SMPD4: variants seen among roughly 807,000 people sequenced by gnomAD.
SMPD4 encodes neutral sphingomyelinase 3.
In SMPD4, 58 loss-of-function variants were observed where a neutral mutation model predicts 97.8. The ratio of observed to expected loss-of-function variants is 0.59; its 90% CI spans 0.48 to 0.74. SMPD4 has a LOEUF of 0.74. SMPD4 is among the 30% of genes least tolerant of loss of function. The pLI is 0.00. For synonymous variants in SMPD4, 388 were observed against 450.0 expected, an observed-to-expected ratio of 0.86 and a Z score of 1.74; for missense variants, 853 against 1,080.5, an observed-to-expected ratio of 0.79 and a Z score of 2.95.
At chr2:130,165,437 CA>C (rs945475675) in intron 9 of SMPD4, among the ~76,000 whole-genome samples, 4 of 134,894 alleles carry the variant, frequency 3.0e-5, no homozygotes, top group Admixed American at 1.5e-4. Context: ...AAAAAAAAAA[CA>C]AAAAAAAAAC....
intron 8 of SMPD4, among the ~76,000 whole-genome samples, chr2:130,169,838 C>T (rs1183497429): frequency 6.6e-6 from 1 of 152,216 alleles, no homozygotes; most frequent in East Asian, 1.9e-4. Flanking sequence ...AGGCGTGAGC[C>T]ACTGTGCTCA....
chr2:130,158,121 G>C (rs1043738857), intron 11 of SMPD4: 7 of 1,110,240 alleles, frequency 6.3e-6, no homozygotes, highest in East Asian at 6.1e-5. Flanking sequence ...GCGTGGGTGA[G>C]AGTAAGACCT....
intron 11 of SMPD4, among the ~76,000 whole-genome samples, chr2:130,159,044 C>T (rs750923635): frequency 1.1e-4 from 17 of 152,052 alleles, no homozygotes; most frequent in Admixed American, 5.2e-4. Context: ...CTGTCACCCG[C>T]GCTGTAGTGT....
In SMPD4 at chr2:130,167,499, G is replaced by C; in HGVS notation, c.751C>G (p.Pro251Ala). The C allele has an allele frequency of 6.2e-7, 1 of 1,613,782 alleles. No homozygotes were observed. Reference protein sequence around the residue: ...ISHQTSVNADPASHEIWRSET... With the variant: ...ISHQTSVNADAASHEIWRSET... Reference sequence around the variant, plus strand: ...GACCTCCAGATCTCGTGGGAGGCGGGGTCTGCATTCACAGACGTCTGATGA... The same window carrying C: ...GACCTCCAGATCTCGTGGGAGGCGGCGTCTGCATTCACAGACGTCTGATGA... The change falls in exon 9 of 20, where the codon CCC becomes GCC. Residue 251 changes from proline to alanine, a missense_variant. Physicochemically the swap from Pro to Ala is conservative, Grantham distance 27. Transcript: ENST00000680298.
chr2:130,173,728 C>T (rs1688702609), intron 3 of SMPD4, 72 bp from the exon 4 acceptor site: 2 of 1,593,570 alleles, frequency 1.3e-6, no homozygotes, highest in African/African-American at 2.7e-5. Context: ...TCCTGCACCA[C>T]CTGCTGCCCA....
chr2:130,172,882 G>T lies in SMPD4; in HGVS notation c.359C>A (p.Ala120Glu). Reference sequence around the variant, plus strand: ...AGGGAGGATGCACTCCTGGATGGACGCCTTCACAGGACCCTGCAGAGAGAG... The same window carrying T: ...AGGGAGGATGCACTCCTGGATGGACTCCTTCACAGGACCCTGCAGAGAGAG... ...PVSYLPGPVK[A>E]SIQECILPDS... The change falls in exon 6 of 20, where the codon GCG becomes GAG. Residue 120 changes from alanine (A) to glutamate (E), a missense_variant. This residue lies in a region of SMPD4 where 313 missense variants were observed against 402.2 expected (regional missense o/e 0.78). Coordinates refer to ENST00000680298, the MANE Select transcript of SMPD4 (RefSeq NM_017951.5). 1.9e-6 allele frequency: 3 copies of T among 1,612,156 alleles called. No homozygotes were observed. The highest frequency in any genetic ancestry group is 8.5e-7 in the Non-Finnish European group (1 of 1,179,042).
intron 5 of SMPD4, 68 bp from the exon 6 acceptor site, chr2:130,172,963 C>T (rs1688621145): frequency 3.2e-6 from 5 of 1,545,230 alleles, no homozygotes; most frequent in South Asian, 2.4e-5. Context: ...CAGTACCCCA[C>T]ATGCACAGCA....
intron 2 of SMPD4, among the ~76,000 whole-genome samples, chr2:130,175,798 T>C (rs116129841): frequency 0.027 from 4,130 of 152,228 alleles, 152 homozygotes; most frequent in African/African-American, 0.087. Context: ...CAAACAAGGG[T>C]GGATTTCACA....
intron 3 of SMPD4, among the ~76,000 whole-genome samples, chr2:130,174,593 A>G (rs985280549): frequency 6.6e-6 from 1 of 152,218 alleles, no homozygotes; most frequent in African/African-American, 2.4e-5. Flanking sequence ...TGTGCTTTGC[A>G]GAATGTTTCC....
chr2:130,153,909 T>C lies in SMPD4; in HGVS notation c.1686A>G (p.Thr562=). ...TGGACTTGGCTGTGTGTTTGGCCTG[T>C]GTGATGAGCTGAGCGAGGCGCAGGA... ...TLVLRLAQLI[T]QAKHTAKSIS... Residue 562 remains threonine (T), a synonymous_variant, in exon 17 of 20, where the codon ACA becomes ACG. Transcript: ENST00000680298. 3 of 1,613,736 alleles carry C rather than the reference T, an allele frequency of 1.9e-6. No homozygotes were observed. The highest frequency in any genetic ancestry group is 1.3e-5 in the African/African-American group (1 of 75,024).
At chr2:130,159,808 A>C (rs1687212787) in intron 11 of SMPD4, among the ~76,000 whole-genome samples, 2 of 152,094 alleles carry the variant, frequency 1.3e-5, no homozygotes, top group African/African-American at 2.4e-5. Context: ...CCTGAGCCGT[A>C]ACATCCTTCC....
At chr2:130,156,883 C>T (rs1181144318) in intron 12 of SMPD4, 18 of 1,376,120 alleles carry the variant, frequency 1.3e-5, no homozygotes, top group East Asian at 7.6e-5. Flanking sequence ...CGCAGGCGGC[C>T]GAGTCAGCAC....
chr2:130,163,140 G>T (rs1687588906), intron 10 of SMPD4, among the ~76,000 whole-genome samples: 1 of 152,162 alleles, frequency 6.6e-6, no homozygotes, highest in Non-Finnish European at 1.5e-5. Flanking sequence ...CCCCTGCCAG[G>T]CCACGCCACG....
intron 9 of SMPD4, among the ~76,000 whole-genome samples, chr2:130,165,236 A>G (rs1573698749): frequency 6.6e-6 from 1 of 152,104 alleles, no homozygotes; most frequent in East Asian, 1.9e-4. Flanking sequence ...GCCTGACCCA[A>G]CATGGAGAAA....
In SMPD4 at chr2:130,152,679, A is replaced by G. The variant is rs1686345847; in HGVS notation, c.2360T>C (p.Phe787Ser). ...YRTLVSLLLAFFVASLFCVGP... is the reference protein window; with the variant it reads ...YRTLVSLLLASFVASLFCVGP... ...GACGCAGAACAGAGAGGCCACGAAG[A>G]AGGCCAGCAGCAGCGAGACCAGCGT... The change falls in exon 20 of 20, where the codon TTC (phenylalanine) becomes TCC (serine). Residue 787 changes from phenylalanine to serine, a missense_variant. Around this residue, in one of 3 missense-constraint regions of SMPD4, gnomAD observed 511 missense variants for 608.1 expected, o/e 0.84. Coordinates refer to ENST00000680298, the MANE Select transcript of SMPD4 (RefSeq NM_017951.5). 4 of 1,571,176 alleles carry G rather than the reference A, an allele frequency of 2.5e-6. No homozygotes were observed. Among genetic ancestry groups the G allele is most frequent in the Non-Finnish European group, 3.5e-6 (4 of 1,159,226 alleles).
chr2:130,168,902 G>A (rs1688179866), intron 8 of SMPD4, among the ~76,000 whole-genome samples: 1 of 151,662 alleles, frequency 6.6e-6, no homozygotes, highest in Admixed American at 6.6e-5. Flanking sequence ...TAAATTTTTG[G>A]TAGAGATGGG....
At chr2:130,168,880 C>T (rs1305702379) in intron 8 of SMPD4, among the ~76,000 whole-genome samples, 2 of 152,050 alleles carry the variant, frequency 1.3e-5, no homozygotes, top group Non-Finnish European at 2.9e-5. Flanking sequence ...CACCACCACA[C>T]CTGGTTATTT....
intron 1 of SMPD4, chr2:130,181,253 C>T: frequency 1.5e-6 from 2 of 1,344,904 alleles, no homozygotes; most frequent in South Asian, 1.8e-5. Flanking sequence ...GCTCTCCTTC[C>T]CTCAATTCCT....
At chr2:130,178,585 A>G (rs1374769194) in intron 1 of SMPD4, among the ~76,000 whole-genome samples, 2 of 152,144 alleles carry the variant, frequency 1.3e-5, no homozygotes, top group African/African-American at 4.8e-5. Flanking sequence ...ACTTGAGGCC[A>G]GGAGTTTGAG....
Sources: gnomAD v4.1 joint callset for allele counts (sites outside exome capture counted in the v4.1 genomes callset) on GRCh38, gnomAD v4.1.1 for gene constraint, gnomAD v4.1.1 regional missense constraint, MANE v1.5 for transcripts, NCBI Gene and HGNC (gene_info 2026-07-23, HGNC 2026-07-21) for gene names.